The following CPXM2 variants were observed in gnomAD, a reference collection of about 807,000 sequenced individuals.
CPXM2 encodes the protein inactive carboxypeptidase-like protein X2.
A neutral mutation model predicts 86.1 loss-of-function variants in CPXM2; 66 were observed. The ratio of observed to expected loss-of-function variants is 0.77; its 90% CI spans 0.63 to 0.94. CPXM2 has a LOEUF of 0.94. CPXM2 is among the 40% of genes least tolerant of loss of function. CPXM2 has a pLI of 0.00. For synonymous variants in CPXM2, 388 were observed against 400.2 expected, an observed-to-expected ratio of 0.97 and a Z score of 0.36; for missense variants, 948 against 1,026.3, an observed-to-expected ratio of 0.92 and a Z score of 1.04.
chr10:123,853,880 G>A (rs1239464638), intron 3 of CPXM2, among the ~76,000 whole-genome samples: 3 of 152,146 alleles, frequency 2.0e-5, no homozygotes, highest in South Asian at 4.1e-4. Context: ...ACTCCAGCCT[G>A]GGCGACAGAG....
chr10:123,934,189 C>T (rs1483326080), intron 2 of CPXM2, among the ~76,000 whole-genome samples: 1 of 152,176 alleles, frequency 6.6e-6, no homozygotes, highest in African/African-American at 2.4e-5. Flanking sequence ...GACACCGAGC[C>T]CTGCATGCAC....
intron 6 of CPXM2, among the ~76,000 whole-genome samples, chr10:123,793,077 C>A (rs1463411726): frequency 6.6e-6 from 1 of 152,150 alleles, no homozygotes; most frequent in Non-Finnish European, 1.5e-5. Flanking sequence ...CTTAGTCACA[C>A]CCCTACAGCG....
At position 123,878,018 on chromosome 10, in the gene CPXM2, G is replaced by A. The variant is rs888349085; in HGVS notation, c.403+2193C>T. 9.2e-5 allele frequency among the ~76,000 whole-genome samples: 14 copies of A among 152,180 alleles called. No individual in the cohort carries two copies. The East Asian group carries it at 1.2e-3, about 13-fold the overall frequency. On this transcript the variant is annotated intron_variant, in intron 2 of 13. Coordinates refer to ENST00000241305, the MANE Select transcript of CPXM2 (RefSeq NM_198148.3). ...ACCTTGAACATAATGTAGTTGTCACGTACACCAGCCCAACATTCTGCCACG... is the reference window on the plus strand; with the variant it reads ...ACCTTGAACATAATGTAGTTGTCACATACACCAGCCCAACATTCTGCCACG...
chr10:123,757,307 G>A lies in CPXM2; in HGVS notation c.1823C>T (p.Ser608Phe), dbSNP rs758729644. ...GTATTTATCACAGCCCACGTAGATG[G>A]ACAGTTCGAAGCAGTTTGTATGAAG... ...SYLHTNCFEL[S>F]IYVGCDKYPH... is the part of the protein sequence containing the mutation. Residue 608 changes from serine (S) to phenylalanine (F), a missense_variant, in exon 12 of 14, where the codon TCC (serine) becomes TTC (phenylalanine). Coordinates refer to ENST00000241305, the MANE Select transcript of CPXM2 (RefSeq NM_198148.3). 1 of 1,613,760 alleles carries A rather than the reference G, an allele frequency of 6.2e-7. No individual in the cohort carries two copies. The highest frequency in any genetic ancestry group is 1.1e-5 in the South Asian group (1 of 91,066).
intron 13 of CPXM2, among the ~76,000 whole-genome samples, chr10:123,748,148 C>G (rs1175977172): frequency 2.0e-5 from 3 of 152,078 alleles, no homozygotes; most frequent in Non-Finnish European, 2.9e-5. Flanking sequence ...CATGCTTATT[C>G]CCTTTTCTAC....
chr10:123,788,105 T>G (rs981115346), intron 6 of CPXM2, among the ~76,000 whole-genome samples: 1 of 150,796 alleles, frequency 6.6e-6, no homozygotes, highest in South Asian at 2.1e-4. Context: ...CATGGTGAAA[T>G]CCCGGTCTCT....
intron 1 of CPXM2, among the ~76,000 whole-genome samples, chr10:123,884,594 G>A (rs1046223096): frequency 1.3e-5 from 2 of 152,242 alleles, no homozygotes; most frequent in African/African-American, 4.8e-5. Flanking sequence ...TGACCTTGAC[G>A]GGAGCCCGGG....
At chr10:123,862,388 A>T (rs892471607) in intron 3 of CPXM2, among the ~76,000 whole-genome samples, 5 of 152,248 alleles carry the variant, frequency 3.3e-5, no homozygotes, top group African/African-American at 1.2e-4. Context: ...ACCTGGGTCC[A>T]GGTACTGGTG....
intron 13 of CPXM2, among the ~76,000 whole-genome samples, chr10:123,749,414 C>T (rs567104799): frequency 9.8e-5 from 15 of 152,296 alleles, no homozygotes; most frequent in African/African-American, 3.6e-4. Context: ...TGTGATTCCC[C>T]TTATCCCTGC....
At chr10:123,835,507 G>A (rs1175282427) in intron 4 of CPXM2, among the ~76,000 whole-genome samples, 1 of 152,078 alleles carries the variant, frequency 6.6e-6, no homozygotes, top group Non-Finnish European at 1.5e-5. Flanking sequence ...ACTTAGAGAT[G>A]TTTTCATTAA....
At chr10:123,938,525 A>G (rs951173625) in intron 2 of CPXM2, among the ~76,000 whole-genome samples, 2 of 152,112 alleles carry the variant, frequency 1.3e-5, no homozygotes, top group African/African-American at 4.8e-5. Context: ...CAATTTTCCC[A>G]ATAGTCTCCC....
chr10:123,779,071 T>C (rs1846873415), intron 7 of CPXM2, among the ~76,000 whole-genome samples: 1 of 152,236 alleles, frequency 6.6e-6, no homozygotes, highest in Admixed American at 6.5e-5. Context: ...TTGTAGTGGA[T>C]GGCTGCTCCC....
intron 1 of CPXM2, among the ~76,000 whole-genome samples, chr10:123,890,829 G>A (rs1945253887): frequency 6.6e-6 from 1 of 152,148 alleles, no homozygotes. Context: ...GTGCCATCCT[G>A]CCCCAGCCGG....
rs564079816 is a variant in CPXM2, at chr10:123,784,836, G to A, written c.890-4581C>T. On this transcript the variant is annotated intron_variant, in intron 6 of 13. Coordinates refer to ENST00000241305, the MANE Select transcript of CPXM2 (RefSeq NM_198148.3). Reference sequence around the variant, plus strand: ...ACTAAGCCTTCTCCCGTTCACGTACGATTGAGGCAGAAGAATAGGGTCTGG... The same window carrying A: ...ACTAAGCCTTCTCCCGTTCACGTACAATTGAGGCAGAAGAATAGGGTCTGG... Among the ~76,000 whole-genome samples, 70 of 152,296 alleles carry A rather than the reference G, an allele frequency of 4.6e-4. No individual in the cohort carries two copies. In the South Asian group the frequency reaches 0.015, roughly 32 times the overall value.
chr10:123,923,366 G>A (rs2362925), intron 2 of CPXM2, among the ~76,000 whole-genome samples: 105,700 of 149,016 alleles, frequency 0.71, 37,703 homozygotes, highest in East Asian at 0.88. Flanking sequence ...GGATCACGAG[G>A]TCAGGAGATC....
At chr10:123,750,500 C>G in intron 13 of CPXM2, 2 of 985,288 alleles carry the variant, frequency 2.0e-6, no homozygotes, top group Non-Finnish European at 2.4e-6. Flanking sequence ...AGGGAGGGAC[C>G]CTTCCTTGGC....
At chr10:123,823,056 G>C (rs908835843) in intron 4 of CPXM2, among the ~76,000 whole-genome samples, 1 of 152,010 alleles carries the variant, frequency 6.6e-6, no homozygotes, top group Non-Finnish European at 1.5e-5. Context: ...AAAATTCTTG[G>C]GGAAAATTAT....
rs1024592260 is a variant in CPXM2, at chr10:123,917,435, C to T, written n.174+22042G>A. On this transcript the variant is annotated intron_variant and non_coding_transcript_variant, in intron 2 of 19. Coordinates refer to the CPXM2 transcript ENST00000368854. ...ACATCAGGGAGTTGGAGAGAGCCTG[C>T]GGACAGAACCTTCCTTCCAACTGCT... Among the ~76,000 whole-genome samples, 6 of 152,310 alleles carry T rather than the reference C, an allele frequency of 3.9e-5. No individual in the cohort carries two copies. In the East Asian group the frequency reaches 5.8e-4, roughly 15 times the overall value.
At chr10:123,767,284 G>A in intron 9 of CPXM2, 132 bp from the exon 10 acceptor site, 1 of 748,936 alleles carries the variant, frequency 1.3e-6, no homozygotes, top group Non-Finnish European at 2.1e-6. Flanking sequence ...TTGACCCAAA[G>A]ATGGCATCTA....
Sources: allele counts gnomAD v4.1 joint callset (sites outside exome capture counted in the v4.1 genomes callset), GRCh38; gene constraint gnomAD v4.1.1; transcripts MANE v1.5; gene names NCBI Gene and HGNC (gene_info 2026-07-23, HGNC 2026-07-21).